NOP2: variants seen among roughly 807,000 people sequenced by gnomAD.
The protein encoded by NOP2 is NOP2 nucleolar protein, also known as 28S rRNA (cytosine(4447)-C(5))-methyltransferase.
In NOP2, 7 loss-of-function variants were observed where a neutral mutation model predicts 72.7. The observed-to-expected ratio is 0.10, with a 90% CI of 0.05 to 0.18. The LOEUF is 0.18. NOP2 is among the 10% of genes least tolerant of loss of function. NOP2 has a pLI of 1.00. For synonymous variants in NOP2, 387 were observed against 388.0 expected (o/e 1.00, Z 0.03); for missense variants, 954 against 1,014.7 (o/e 0.94, Z 0.81).
intron 4 of NOP2, 80 bp downstream of exon 4, chr12:6,566,449 C>T (rs1947781826): frequency 1.2e-5 from 19 of 1,525,052 alleles, no homozygotes; most frequent in African/African-American, 8.2e-5. Flanking sequence ...CCTTTCACTC[C>T]GGAAATGTTT....
chr12:6,557,295 A>G lies in NOP2; in HGVS notation c.2137T>C (p.Phe713Leu). The change falls in exon 16 of 16, where the codon TTC becomes CTC. Residue 713 changes from phenylalanine (F) to leucine (L), a missense_variant. By Grantham distance (22) the Phe-to-Leu change is conservative. Around this residue, in one of 3 missense-constraint regions of NOP2, gnomAD observed 269 missense variants for 260.2 expected, o/e 1.03. Coordinates refer to ENST00000322166, the MANE Select transcript of NOP2 (RefSeq NM_001258308.2). The stretch of plus-strand genomic sequence containing the variant: ...TTGGGAGGGGCATTCTGCCTGAGGA[A>G]AGCAACTTTCTTGGAGGACTGTAAT... The part of the protein sequence containing the change: ...PKLQSSKKVA[F>L]LRQNAPPKGT... 1 of 1,614,006 alleles carries G rather than the reference A, an allele frequency of 6.2e-7. No homozygotes were observed. The highest frequency in any genetic ancestry group is 8.5e-7 in the Non-Finnish European group (1 of 1,179,896).
At position 6,560,576 on chromosome 12, in the gene NOP2, C is replaced by G. The variant is rs774557570; in HGVS notation, c.1438-7G>C. The G allele has an allele frequency of 6.3e-7, 1 of 1,596,750 alleles. No homozygotes were observed. Among genetic ancestry groups the G allele is most frequent in the Non-Finnish European group, 8.5e-7 (1 of 1,169,620 alleles). On this transcript the variant is annotated splice_region_variant and splice_polypyrimidine_tract_variant and intron_variant, in intron 13 of 15. Coordinates refer to ENST00000322166, the MANE Select transcript of NOP2 (RefSeq NM_001258308.2). The surrounding 1 kb of genome is among the most constrained non-coding windows in gnomAD (Gnocchi z 5.0). ...GCAGGATGTCCTTCTCATCCTGTCC[C>G]AAAAAGAGACCCAAAGGCAGCCTCA...
intron 5 of NOP2, among the ~76,000 whole-genome samples, chr12:6,565,338 A>G (rs1295366530): frequency 6.7e-6 from 1 of 149,952 alleles, no homozygotes; most frequent in African/African-American, 2.5e-5. Context: ...ACCATTTTTT[A>G]ACTTAACTTT....
chr12:6,566,664 T>A, intron 3 of NOP2, 47 bp from the exon 4 acceptor site: 1 of 1,602,082 alleles, frequency 6.2e-7, no homozygotes, highest in Non-Finnish European at 8.6e-7. Context: ...GGGAAGATAC[T>A]TCCAGGCTCT....
intron 5 of NOP2, among the ~76,000 whole-genome samples, chr12:6,564,654 C>G (rs929845857): frequency 1.3e-5 from 2 of 151,810 alleles, no homozygotes; most frequent in African/African-American, 4.8e-5. Context: ...GTTTTGAACT[C>G]CTGACCTCAG....
chr12:6,563,968 T>G lies in NOP2; in HGVS notation c.475-22A>C, dbSNP rs750128822. Reference sequence around the variant, plus strand: ...GCAACTGAAGAGAGACAAGGGCTATTAATACAGGCCTGCCCTTCCATCAGC... The same window carrying G: ...GCAACTGAAGAGAGACAAGGGCTATGAATACAGGCCTGCCCTTCCATCAGC... On this transcript the variant is annotated intron_variant, in intron 5 of 15. Transcript: ENST00000322166. 2.5e-6 allele frequency: 4 copies of G among 1,610,798 alleles called. No homozygotes were observed. The African/African-American group carries it at 4.0e-5, about 16-fold the overall frequency.
rs1279037416 is a variant in NOP2 at position 6,563,955 on chromosome 12, A to G, written c.475-9T>C. On this transcript the variant is annotated splice_polypyrimidine_tract_variant and intron_variant, in intron 5 of 15. Coordinates refer to ENST00000322166, the MANE Select transcript of NOP2 (RefSeq NM_001258308.2). ...CTTTCAATGGGCAGCAACTGAAGAG[A>G]GACAAGGGCTATTAATACAGGCCTG... The G allele has an allele frequency of 1.2e-6, 2 of 1,612,736 alleles. No individual in the cohort carries two copies. The highest frequency in any genetic ancestry group is 1.7e-6 in the Non-Finnish European group (2 of 1,179,428).
At position 6,560,402 on chromosome 12, in the gene NOP2, C is replaced by T. The variant is rs527863609; in HGVS notation, c.1560+45G>A. 3 of 1,594,078 alleles carry T rather than the reference C, an allele frequency of 1.9e-6. No homozygotes were observed. Among genetic ancestry groups the T allele is most frequent in the Admixed American group, 1.7e-5 (1 of 57,786 alleles). On this transcript the variant is annotated intron_variant, in intron 14 of 15. Coordinates refer to ENST00000322166, the MANE Select transcript of NOP2 (RefSeq NM_001258308.2). This position sits in a 1 kb window ranked among gnomAD's most constrained non-coding sequence, Gnocchi z 5.0. Reference sequence around the variant, plus strand: ...GAAGGGAGCTCTAAGGGGCAAAGAGCCCCCCAGCCCAGCCTCCCCTGCTCT... The same window carrying T: ...GAAGGGAGCTCTAAGGGGCAAAGAGTCCCCCAGCCCAGCCTCCCCTGCTCT...
At chr12:6,565,899 T>C (rs1237702762) in intron 5 of NOP2, among the ~76,000 whole-genome samples, 1 of 151,674 alleles carries the variant, frequency 6.6e-6, no homozygotes, top group African/African-American at 2.4e-5. Flanking sequence ...TTCTAGATTT[T>C]TTTAAATGCT....
chr12:6,565,607 T>TA (rs993666377), intron 5 of NOP2, among the ~76,000 whole-genome samples: 5 of 152,152 alleles, frequency 3.3e-5, no homozygotes, highest in Admixed American at 2.6e-4. Context: ...CCCAAAGTGC[T>TA]AGGATTATAG....
intron 2 of NOP2, chr12:6,567,590 TCA>T (rs1438133681): frequency 4.5e-5 from 20 of 447,116 alleles, no homozygotes; most frequent in African/African-American, 8.2e-5. Flanking sequence ...TTGTTTTAAA[TCA>T]CACTTTTCCC....
chr12:6,557,059 G>A lies in NOP2; in HGVS notation c.2373C>T (p.Ser791=). The change falls in exon 16 of 16, where the codon AGC becomes AGT. Residue 791 remains serine, a synonymous_variant. Transcript: ENST00000322166. ...TCTTCCTCTTTGCTGGTGGGGGGCG[G>A]CTGGAACGGATGGGAGACACAGTGG... The part of the protein sequence containing the change: ...QPPTVSPIRS[S]RPPPAKRKKS... 6.2e-7 allele frequency: 1 copy of A among 1,613,986 alleles called. No individual in the cohort carries two copies.
rs755838587 is a variant in NOP2, at chr12:6,560,274, C to T, written c.1613G>A (p.Arg538Gln). 2 of 1,613,978 alleles carry T rather than the reference C, an allele frequency of 1.2e-6. No homozygotes were observed. Among genetic ancestry groups the T allele is most frequent in the Non-Finnish European group, 8.5e-7 (1 of 1,179,892 alleles). Residue 538 changes from arginine (R) to glutamine (Q), a missense_variant, in exon 15 of 16, where the codon CGA becomes CAA. By Grantham distance (43) the Arg-to-Gln change is conservative. Coordinates refer to ENST00000322166, the MANE Select transcript of NOP2 (RefSeq NM_001258308.2). The surrounding 1 kb of genome is among the most constrained non-coding windows in gnomAD (Gnocchi z 5.0). ...VDYALKKRNV[R>Q]LVPTGLDFGQ... ...AAAGTCTAGGCCCGTGGGCACCAGT[C>T]GCACATTCCTCTTTTTCAGAGCATA... is the stretch of plus-strand genomic sequence containing the variant.
rs371243135 is a variant in NOP2, at chr12:6,557,057, C to T, written c.2375G>A (p.Arg792His). ...PPTVSPIRSSRPPPAKRKKSQ... is the reference protein window; with the variant it reads ...PPTVSPIRSSHPPPAKRKKSQ... Reference sequence around the variant, plus strand: ...TTTCTTCCTCTTTGCTGGTGGGGGGCGGCTGGAACGGATGGGAGACACAGT... The same window carrying T: ...TTTCTTCCTCTTTGCTGGTGGGGGGTGGCTGGAACGGATGGGAGACACAGT... The change falls in exon 16 of 16, where the codon CGC (arginine) becomes CAC (histidine). Residue 792 changes from arginine to histidine, a missense_variant. Coordinates refer to ENST00000322166, the MANE Select transcript of NOP2 (RefSeq NM_001258308.2). 1.5e-5 allele frequency: 24 copies of T among 1,613,800 alleles called. No individual in the cohort carries two copies. The highest frequency in any genetic ancestry group is 6.7e-5 in the East Asian group (3 of 44,888).
At chr12:6,566,071 T>C in intron 5 of NOP2, 30 bp downstream of exon 5, 1 of 1,554,516 alleles carries the variant, frequency 6.4e-7, no homozygotes, top group Non-Finnish European at 8.8e-7. Context: ...CAAGGATCCT[T>C]CTATGAATGC....
chr12:6,568,033 G>C, intron 1 of NOP2, 111 bp from the exon 2 acceptor site: 3 of 749,328 alleles, frequency 4.0e-6, no homozygotes, highest in Non-Finnish European at 6.6e-6. Context: ...CTCAGCACCC[G>C]CAACTCACTC....
In NOP2 at chr12:6,563,381, C is replaced by G. The variant is rs879185197; in HGVS notation, c.822G>C (p.Leu274=). The G allele has an allele frequency of 6.2e-7, 1 of 1,605,272 alleles. No individual in the cohort carries two copies. Among genetic ancestry groups the G allele is most frequent in the South Asian group, 1.1e-5 (1 of 89,286 alleles). The change falls in exon 8 of 16, where the codon CTG becomes CTC. Residue 274 remains leucine (L), a synonymous_variant. Transcript: ENST00000322166. Reference sequence around the variant, plus strand: ...AGTCTCCATAGGAGTAGTAAATGGCCAGATCCTTCTTGAGCCGGTTCAGGT... The same window carrying G: ...AGTCTCCATAGGAGTAGTAAATGGCGAGATCCTTCTTGAGCCGGTTCAGGT... ...SEYLNRLKKD[L]AIYYSYGDFL... is the part of the protein sequence containing the mutation.
At chr12:6,561,209 T>C in intron 11 of NOP2, 139 bp from the exon 12 acceptor site, 1 of 1,003,120 alleles carries the variant, frequency 1.0e-6, no homozygotes, top group South Asian at 1.6e-5. Flanking sequence ...GCCTACTGTA[T>C]AGGCTGATCC....
chr12:6,557,418 C>G lies in NOP2; in HGVS notation c.2014G>C (p.Ala672Pro), dbSNP rs199961977. 3.6e-3 allele frequency: 5,733 copies of G among 1,613,912 alleles called. 15 individuals carry two copies. The highest frequency in any genetic ancestry group is 4.6e-3 in the Non-Finnish European group (5,378 of 1,179,904). The change falls in exon 16 of 16, where the codon GCT becomes CCT. Residue 672 changes from alanine (A) to proline (P), a missense_variant. By Grantham distance (27) the Ala-to-Pro change is conservative (BLOSUM62 -1). Around this residue, in one of 3 missense-constraint regions of NOP2, gnomAD observed 269 missense variants for 260.2 expected, o/e 1.03. Coordinates refer to ENST00000322166, the MANE Select transcript of NOP2 (RefSeq NM_001258308.2). ...CTGCTATCCTGGAAGCTGGAGGAAG[C>G]TTGGGTCTTTGTGACAGAAGGTACA... ...STVPSVTKTQASSSFQDSSQP... is the reference protein window; with the variant it reads ...STVPSVTKTQPSSSFQDSSQP...
Sources: allele counts gnomAD v4.1 joint callset (sites outside exome capture counted in the v4.1 genomes callset), GRCh38; gene constraint gnomAD v4.1.1; regional missense constraint gnomAD v4.1.1; non-coding constraint Gnocchi (gnomAD v3.1); transcripts MANE v1.5; gene names NCBI Gene and HGNC (gene_info 2026-07-23, HGNC 2026-07-21).